The following HERC2 variants were observed in gnomAD, a reference collection of about 807,000 sequenced individuals.
HERC2 encodes E3 ubiquitin-protein ligase HERC2.
A neutral mutation model predicts 537.7 loss-of-function variants in HERC2; 102 were observed. The observed-to-expected ratio is 0.19, with a 90% confidence interval of 0.16 to 0.22. The LOEUF is 0.22. Among genes scored for constraint, HERC2 ranks in the 10% least tolerant of loss-of-function variants. The pLI, the probability that HERC2 is intolerant of heterozygous loss-of-function variation, is 1.00. For synonymous variants in HERC2, 2,224 were observed against 2,466.2 expected, an observed-to-expected ratio of 0.90 and a Z score of 2.91; for missense variants, 4,236 against 6,198.2, an observed-to-expected ratio of 0.68 and a Z score of 10.63.
intron 2 of HERC2, among the ~76,000 whole-genome samples, chr15:28,307,649 G>C (rs1380519204): frequency 3.3e-5 from 5 of 152,186 alleles, no homozygotes; most frequent in Non-Finnish European, 5.9e-5. Flanking sequence ...TGTTGGTGGA[G>C]TTTCCAAAAT....
In HERC2 at chr15:28,125,119, G is replaced by A. The variant is rs779511958; in HGVS notation, c.12877C>T (p.Arg4293Trp). 4.3e-6 allele frequency: 7 copies of A among 1,613,994 alleles called. No individual in the cohort carries two copies. The highest frequency in any genetic ancestry group is 2.2e-5 in the South Asian group (2 of 91,090). The change falls in exon 84 of 93, where the codon CGG (arginine) becomes TGG (tryptophan). Residue 4293 changes from arginine to tryptophan, a missense_variant. Around this residue, in one of 27 missense-constraint regions of HERC2, gnomAD observed 189 missense variants for 255.7 expected, o/e 0.74. Coordinates refer to ENST00000261609, the MANE Select transcript of HERC2 (RefSeq NM_004667.6). Reference protein sequence around the residue: ...DGTTNAIQRPRLVAALQGKKV... With the variant: ...DGTTNAIQRPWLVAALQGKKV... ...TTACCCTGAAGGGCAGCTACCAACCGAGGCCTCTGGATGGCATTGGTGGTT... is the reference window on the plus strand; with the variant it reads ...TTACCCTGAAGGGCAGCTACCAACCAAGGCCTCTGGATGGCATTGGTGGTT...
Position 28,130,171 on chromosome 15 carries a change from G to A in HERC2, c.12794C>T (p.Thr4265Ile), listed in dbSNP as rs551124716. The A allele has an allele frequency of 1.1e-5, 18 of 1,614,138 alleles. No homozygotes were observed. In the South Asian group the frequency reaches 1.5e-4, roughly 14 times the overall value. The change falls in exon 83 of 93, where the codon ACA becomes ATA. Residue 4265 changes from threonine to isoleucine, a missense_variant. By Grantham distance (89) the Thr-to-Ile change is moderately conservative. Around this residue, in one of 27 missense-constraint regions of HERC2, gnomAD observed 189 missense variants for 255.7 expected, o/e 0.74. Transcript: ENST00000261609. ...ATGSLHCVCC[T>I]EDGEVYTWGD... ...ACTGAGCCCCTACCTACCATCCTCT[G>A]TGCAGCACACACAGTGCAGGGAGCC... is the stretch of plus-strand genomic sequence containing the variant.
At chr15:28,186,088 T>C (rs1478194774) in intron 56 of HERC2, among the ~76,000 whole-genome samples, 1 of 152,190 alleles carries the variant, frequency 6.6e-6, no homozygotes, top group African/African-American at 2.4e-5. Flanking sequence ...CGATGGACAA[T>C]AGTGATGGTT....
chr15:28,283,415 A>G (rs1031348027), intron 4 of HERC2, among the ~76,000 whole-genome samples: 19 of 152,234 alleles, frequency 1.2e-4, no homozygotes, highest in African/African-American at 4.1e-4. Flanking sequence ...TTTTTTAAAC[A>G]ATGAAAAGAA....
At chr15:28,316,222 CAAAAAAAAAAAAA>C (rs869089875) in intron 2 of HERC2, among the ~76,000 whole-genome samples, 4 of 50,558 alleles carry the variant, frequency 7.9e-5, no homozygotes, top group South Asian at 1.1e-3. Flanking sequence ...GACTCTGTCT[CAAAAAAAAAAAAA>C]AAAAAAAAAA....
chr15:28,280,028 T>A (rs1567111014), intron 5 of HERC2, 40 bp downstream of exon 5: 5 of 1,482,438 alleles, frequency 3.4e-6, no homozygotes, highest in African/African-American at 1.4e-5. Context: ...GAATTTTATA[T>A]TTAACTGGCA....
intron 2 of HERC2, chr15:28,315,701 C>T: frequency 1.2e-6 from 1 of 826,424 alleles, no homozygotes; most frequent in Non-Finnish European, 2.0e-6. Flanking sequence ...CCATGAGAGC[C>T]AAGTGGAGGA....
At position 28,198,622 on chromosome 15, in the gene HERC2, A is replaced by G; in HGVS notation, c.7864T>C (p.Tyr2622His). 1 of 1,613,910 alleles carries G rather than the reference A, an allele frequency of 6.2e-7. No homozygotes were observed. The highest frequency in any genetic ancestry group is 8.5e-7 in the Non-Finnish European group (1 of 1,179,870). Residue 2622 changes from tyrosine (Y) to histidine (H), a missense_variant, in exon 49 of 93, where the codon TAC becomes CAC. By Grantham distance (83) the Tyr-to-His change is moderately conservative. Transcript: ENST00000261609. The part of the protein sequence containing the change: ...QQKGGTYWVR[Y>H]IHVELIGYPP... Reference sequence around the variant, plus strand: ...TCACCTATAAGTTCCACATGAATGTACCTAACCCAGTAGGTGCCCCCTTTC... The same window carrying G: ...TCACCTATAAGTTCCACATGAATGTGCCTAACCCAGTAGGTGCCCCCTTTC...
In HERC2 at chr15:28,190,816, T is replaced by G. The variant is rs563583157; in HGVS notation, c.8649+149A>C. On this transcript the variant is annotated intron_variant, in intron 55 of 92. Transcript: ENST00000261609. Reference sequence around the variant, plus strand: ...GCAAATTCAGTTGTACAAAATAAGTTGTATCTTTTAAAGTGTCAAAATTTA... The same window carrying G: ...GCAAATTCAGTTGTACAAAATAAGTGGTATCTTTTAAAGTGTCAAAATTTA... The G allele has an allele frequency of 2.3e-4, 143 of 632,888 alleles. No homozygotes were observed. In the African/African-American group the frequency reaches 2.4e-3, roughly 11 times the overall value. The allele number at this position is 632,888 out of a possible 1,614,324, so 39.2% of individuals were successfully genotyped here.
chr15:28,242,183 G>A (rs12592363), intron 23 of HERC2, among the ~76,000 whole-genome samples: 10,474 of 152,266 alleles, frequency 0.069, 882 homozygotes, highest in East Asian at 0.42. Flanking sequence ...TTTAATAGAT[G>A]CATAGTTTCA....
At chr15:28,125,495 G>C (rs954833817) in intron 83 of HERC2, among the ~76,000 whole-genome samples, 4 of 152,146 alleles carry the variant, frequency 2.6e-5, no homozygotes, top group African/African-American at 9.7e-5. Context: ...GCCTCCAACA[G>C]TGTTAGTTCT....
intron 16 of HERC2, among the ~76,000 whole-genome samples, chr15:28,259,070 T>C (rs927652054): frequency 6.6e-6 from 1 of 152,160 alleles, no homozygotes; most frequent in African/African-American, 2.4e-5. Flanking sequence ...GTTAAAGAAA[T>C]TGAAGTTGCA....
rs112366901 is a variant in HERC2, at chr15:28,299,536, T to A, written c.73-20A>T. 4,798 of 1,299,218 alleles carry A rather than the reference T, an allele frequency of 3.7e-3. 119 individuals are homozygous for A. In the African/African-American group the frequency reaches 0.063, roughly 17 times the overall value. The allele number at this position is 1,299,218 out of a possible 1,614,324, so 80.5% of individuals were successfully genotyped here. A position where few individuals can be genotyped will look rare whatever the true frequency, so the allele number is the denominator to read the frequency against. On this transcript the variant is annotated intron_variant, in intron 2 of 92. Transcript: ENST00000261609. Reference sequence around the variant, plus strand: ...TGCAAGCTGGCAATGATAAACGAGATAAGCTTACAGAGTGCTCACACTCAC... The same window carrying A: ...TGCAAGCTGGCAATGATAAACGAGAAAAGCTTACAGAGTGCTCACACTCAC...
At chr15:28,149,333 A>G (rs1293764952) in intron 70 of HERC2, among the ~76,000 whole-genome samples, 6 of 150,582 alleles carry the variant, frequency 4.0e-5, no homozygotes, top group Non-Finnish European at 4.4e-5. Context: ...CCACACCAAC[A>G]TACATTCTAG....
At chr15:28,230,102 C>T (rs1226906706) in intron 31 of HERC2, among the ~76,000 whole-genome samples, 1 of 152,138 alleles carries the variant, frequency 6.6e-6, no homozygotes, top group Non-Finnish European at 1.5e-5. Flanking sequence ...CAGGGCCCAG[C>T]ACTGTTTCTG....
At chr15:28,174,828 C>A (rs57079108) in intron 64 of HERC2, among the ~76,000 whole-genome samples, 1 of 152,054 alleles carries the variant, frequency 6.6e-6, no homozygotes, top group Non-Finnish European at 1.5e-5. Flanking sequence ...AAAATGCTTG[C>A]TAATACCTAT....
At chr15:28,117,355 C>T in intron 86 of HERC2, 2 of 705,914 alleles carry the variant, frequency 2.8e-6, no homozygotes, top group South Asian at 1.5e-5. Context: ...CGCTGCCTCA[C>T]CCCATTGGGC....
chr15:28,132,805 CGAT>C lies in HERC2; in HGVS notation c.12253_12255del (p.Ile4085del). 6.3e-7 allele frequency: 1 copy of C among 1,585,040 alleles called. No homozygotes were observed. The highest frequency in any genetic ancestry group is 8.6e-7 in the Non-Finnish European group (1 of 1,166,198). The stretch of plus-strand genomic sequence containing the variant: ...ACCACTTCAATTCCTCTCAGAGACT[CGAT>C]GACACGAGGGCGGTCACACGGACTG... On this transcript the variant is annotated inframe_deletion, in exon 80 of 93. Transcript: ENST00000261609.
intron 5 of HERC2, among the ~76,000 whole-genome samples, chr15:28,275,878 T>A (rs1382546344): frequency 1.3e-5 from 2 of 152,200 alleles, no homozygotes; most frequent in African/African-American, 2.4e-5. Context: ...TACTATATCA[T>A]GTTTCTAATA....
Sources: allele counts gnomAD v4.1 joint callset (sites outside exome capture counted in the v4.1 genomes callset), GRCh38; gene constraint gnomAD v4.1.1; regional missense constraint gnomAD v4.1.1; transcripts MANE v1.5; gene names NCBI Gene and HGNC (gene_info 2026-07-23, HGNC 2026-07-21).